Variants in PACS1 observed in about 807,000 individuals in gnomAD.
PACS1 encodes phosphofurin acidic cluster sorting protein 1, also known as PACS-1.
A neutral mutation model predicts 115.0 loss-of-function variants in PACS1; 24 were observed. The observed-to-expected ratio is 0.21, with a 90% confidence interval of 0.15 to 0.29. The LOEUF is 0.29. Ranked by LOEUF, PACS1 falls within the 10% of genes least tolerant of loss-of-function variation. The pLI, the probability that PACS1 is intolerant of heterozygous loss-of-function variation, is 1.00. For missense variants in PACS1, 838 were observed against 1,251.2 expected (o/e 0.67, Z 4.98); for synonymous variants, 453 against 504.5 (o/e 0.90, Z 1.37).
At chr11:66,238,904 T>G (rs1565159784) in intron 20 of PACS1, 58 bp downstream of exon 20, 7 of 1,503,924 alleles carry the variant, frequency 4.7e-6, no homozygotes, top group African/African-American at 2.8e-5. Flanking sequence ...CTGTCTTCCC[T>G]CTAGTCCAGC....
chr11:66,232,952 T>C lies in PACS1; in HGVS notation c.1732-8T>C. On this transcript the variant is annotated splice_polypyrimidine_tract_variant and splice_region_variant and intron_variant, in intron 14 of 23. Transcript: ENST00000320580. The stretch of plus-strand genomic sequence containing the variant: ...CTGTGTCCCTGCTCTCCTCCCTCCC[T>C]ATCCCAGTATGTGGCTGAGCTGCTC... 6.2e-7 allele frequency: 1 copy of C among 1,605,744 alleles called. No homozygotes were observed. Among genetic ancestry groups the C allele is most frequent in the Non-Finnish European group, 8.5e-7 (1 of 1,173,468 alleles).
chr11:66,216,608 G>T lies in PACS1; in HGVS notation c.894G>T (p.Gly298=). Residue 298 remains glycine, a synonymous_variant, in exon 6 of 24, where the codon GGG becomes GGT. Transcript: ENST00000320580. The part of the protein sequence containing the change: ...EQEGSDDPLH[G]QDLFYEDEDL... ...AAGGCAGTGATGATCCATTGCATGG[G>T]CAGGTAACTTTCTGTGGTCCCTCAC... 1.2e-6 allele frequency: 2 copies of T among 1,613,472 alleles called. No homozygotes were observed. The highest frequency in any genetic ancestry group is 1.7e-6 in the Non-Finnish European group (2 of 1,179,362).
chr11:66,111,559 C>T (rs1236245544), intron 1 of PACS1, among the ~76,000 whole-genome samples: 1 of 152,236 alleles, frequency 6.6e-6, no homozygotes, highest in Non-Finnish European at 1.5e-5. Flanking sequence ...CCTGTTTTTC[C>T]TCTAATTGTC....
chr11:66,134,094 TC>T (rs1858770805), intron 1 of PACS1, among the ~76,000 whole-genome samples: 1 of 151,930 alleles, frequency 6.6e-6, no homozygotes, highest in Admixed American at 6.6e-5. Flanking sequence ...TGTTCCAGGT[TC>T]CTCTCTGTGC....
intron 1 of PACS1, among the ~76,000 whole-genome samples, chr11:66,158,267 C>T (rs530643772): frequency 5.7e-4 from 87 of 152,310 alleles, no homozygotes; most frequent in African/African-American, 2.0e-3. Context: ...CTGTGCCCGG[C>T]CTGCACTTTG....
chr11:66,090,559 G>A (rs545162125), intron 1 of PACS1, among the ~76,000 whole-genome samples: 2 of 152,086 alleles, frequency 1.3e-5, no homozygotes, highest in Admixed American at 6.6e-5. Flanking sequence ...ATCAGCCACC[G>A]TGCCCTGCCT....
intron 5 of PACS1, 28 bp from the exon 6 acceptor site, chr11:66,216,492 G>C (rs1355661744): frequency 6.3e-7 from 1 of 1,588,744 alleles, no homozygotes. Flanking sequence ...CCCATTGCAA[G>C]GTTATCTTAC....
intron 21 of PACS1, chr11:66,240,814 A>G (rs1855797042): frequency 6.8e-6 from 1 of 146,766 alleles, no homozygotes; most frequent in African/African-American, 2.7e-5. Context: ...AAAATGAGGC[A>G]GAAAGAGAAA....
intron 1 of PACS1, among the ~76,000 whole-genome samples, chr11:66,077,344 C>T (rs777271209): frequency 6.6e-6 from 1 of 152,236 alleles, no homozygotes; most frequent in Non-Finnish European, 1.5e-5. Flanking sequence ...GGAAGGGTCA[C>T]TTGAGCCCAG....
At chr11:66,106,745 G>A (rs1025007467) in intron 1 of PACS1, among the ~76,000 whole-genome samples, 9 of 151,596 alleles carry the variant, frequency 5.9e-5, no homozygotes, top group Non-Finnish European at 8.8e-5. Flanking sequence ...GGATGACAAA[G>A]CGAGACCCTG....
Position 66,243,984 on chromosome 11 carries a change from C to T in PACS1, c.*704C>T, listed in dbSNP as rs912263368. 6.6e-6 allele frequency: 1 copy of T among 152,462 alleles called. No individual in the cohort carries two copies. The highest frequency in any genetic ancestry group is 1.5e-5 in the Non-Finnish European group (1 of 68,234). 9.4% of individuals were successfully genotyped at this position (152,462 alleles called of 1,614,324 possible). On this transcript the variant is annotated 3_prime_UTR_variant, in exon 24 of 24. Coordinates refer to ENST00000320580, the MANE Select transcript of PACS1 (RefSeq NM_018026.4). ...CCCGTGCACGACTTCCTCACCACCC[C>T]CAGGTTCCCTGCAGATGTCGTGTGT...
intron 10 of PACS1, among the ~76,000 whole-genome samples, chr11:66,224,757 G>A (rs562690378): frequency 1.3e-5 from 2 of 152,166 alleles, no homozygotes; most frequent in African/African-American, 2.4e-5. Context: ...ACCAGACTGC[G>A]CTCTTAAATG....
At chr11:66,223,410 A>T (rs1455911834) in intron 10 of PACS1, among the ~76,000 whole-genome samples, 1 of 144,186 alleles carries the variant, frequency 6.9e-6, no homozygotes, top group Non-Finnish European at 1.5e-5. Context: ...TTTTTTTTTG[A>T]GATAGGGTCT....
At chr11:66,126,909 T>A (rs145242789) in intron 1 of PACS1, among the ~76,000 whole-genome samples, 1 of 152,102 alleles carries the variant, frequency 6.6e-6, no homozygotes, top group Non-Finnish European at 1.5e-5. Flanking sequence ...AGTGCAACAC[T>A]GCTGCGGGTG....
chr11:66,212,998 C>T (rs1317415754), intron 4 of PACS1, among the ~76,000 whole-genome samples: 8 of 152,142 alleles, frequency 5.3e-5, no homozygotes, highest in Non-Finnish European at 8.8e-5. Flanking sequence ...TACAGGGACC[C>T]GCCACCATGC....
At chr11:66,150,102 A>G (rs1198480193) in intron 1 of PACS1, among the ~76,000 whole-genome samples, 2 of 152,110 alleles carry the variant, frequency 1.3e-5, no homozygotes, top group African/African-American at 2.4e-5. Context: ...CCCTCTCTCT[A>G]TTCCTATCAT....
At chr11:66,206,661 G>A (rs187713526) in intron 2 of PACS1, among the ~76,000 whole-genome samples, 2 of 152,326 alleles carry the variant, frequency 1.3e-5, no homozygotes, top group Admixed American at 6.5e-5. Flanking sequence ...ATGTCCTATA[G>A]TGACAATAAC....
intron 10 of PACS1, among the ~76,000 whole-genome samples, chr11:66,226,805 A>G (rs1233502592): frequency 6.6e-6 from 1 of 152,184 alleles, no homozygotes; most frequent in African/African-American, 2.4e-5. Flanking sequence ...TGCATCTAAG[A>G]CCTACAACCC....
intron 2 of PACS1, among the ~76,000 whole-genome samples, chr11:66,198,122 C>G (rs1323441016): frequency 6.6e-6 from 1 of 152,120 alleles, no homozygotes. Flanking sequence ...GCTGTGTTGC[C>G]CAGGCTGCTC....
Sources: allele counts gnomAD v4.1 joint callset (sites outside exome capture counted in the v4.1 genomes callset), GRCh38; gene constraint gnomAD v4.1.1; transcripts MANE v1.5; gene names NCBI Gene and HGNC (gene_info 2026-07-23, HGNC 2026-07-21).